Variants in OR1J2 observed in about 807,000 individuals in gnomAD.
OR1J2 encodes the protein olfactory receptor family 1 subfamily J member 2.
For synonymous variants in OR1J2, 142 were observed against 99.7 expected (o/e 1.42, Z -2.52); for missense variants, 304 against 246.1 (o/e 1.24, Z -1.57).
the OR1J2 span, chr9:122,449,057 A>T: frequency 6.6e-6 from 1 of 151,718 alleles, no homozygotes; most frequent in South Asian, 2.1e-4. Context: ...CAAGGTGAGT[A>T]TACAAAATCA....
chr9:122,568,285 T>G, the OR1J2 span: 3 of 1,614,012 alleles, frequency 1.9e-6, no homozygotes, highest in Non-Finnish European at 2.5e-6. Flanking sequence ...GACAGAAAAC[T>G]CAAGAAGAAA....
the OR1J2 span, among the ~76,000 whole-genome samples, chr9:122,460,083 T>A: frequency 6.6e-6 from 1 of 152,130 alleles, no homozygotes; most frequent in African/African-American, 2.4e-5. Context: ...GTTAGAATAA[T>A]GATCTCCAAT....
the OR1J2 span, among the ~76,000 whole-genome samples, chr9:122,559,599 G>C: frequency 6.6e-6 from 1 of 152,254 alleles, no homozygotes; most frequent in African/African-American, 2.4e-5. Flanking sequence ...AGTCATTCAG[G>C]AGTAGGTTGT....
chr9:122,540,898 C>G, the OR1J2 span, among the ~76,000 whole-genome samples: 63 of 152,276 alleles, frequency 4.1e-4, no homozygotes, highest in Middle Eastern at 3.4e-3. Flanking sequence ...GGAGTTCACT[C>G]ATGATTTGGC....
At chr9:122,515,352 T>TTGTGTGTGTGTGTG (rs10651846), downstream of OR1J2, among the ~76,000 whole-genome samples, 10,286 of 135,612 alleles carry the variant, frequency 0.076, 578 homozygotes, top group Admixed American at 0.13. Context: ...CAGGAGCAGG[T>TTGTGTGTGTGTGTG]TGTGTGTGTG....
chr9:122,578,374 G>A, the OR1J2 span: 1 of 151,502 alleles, frequency 6.6e-6, no homozygotes, highest in Non-Finnish European at 1.5e-5. Context: ...GCTTGAACCT[G>A]GGAGGCGGAG....
At chr9:122,469,131 C>T in the OR1J2 span, among the ~76,000 whole-genome samples, 4 of 152,334 alleles carry the variant, frequency 2.6e-5, no homozygotes, top group African/African-American at 9.6e-5. Context: ...TCTGTTTGCC[C>T]TCGCTTGAGC....
At chr9:122,519,745 T>G in the OR1J2 span, 50 of 1,614,156 alleles carry the variant, frequency 3.1e-5, no homozygotes, top group Non-Finnish European at 4.1e-5. Flanking sequence ...ATTTTCACAG[T>G]GGGACAGGCA....
chr9:122,510,422 T>C (rs941229511), upstream of OR1J2, among the ~76,000 whole-genome samples: 1 of 152,148 alleles, frequency 6.6e-6, no homozygotes, highest in Non-Finnish European at 1.5e-5. Context: ...TTTTTTCTAG[T>C]TTTCTTACAT....
At chr9:122,577,773 T>C in the OR1J2 span, among the ~76,000 whole-genome samples, 1 of 152,330 alleles carries the variant, frequency 6.6e-6, no homozygotes, top group East Asian at 1.9e-4. Context: ...AAGGAAACAG[T>C]TGAAAGTGGT....
At chr9:122,548,352 C>G in the OR1J2 span, among the ~76,000 whole-genome samples, 3 of 152,052 alleles carry the variant, frequency 2.0e-5, no homozygotes, top group African/African-American at 4.8e-5. Context: ...AAGTTCTGTC[C>G]TTGATAATAA....
At chr9:122,551,679 A>G in the OR1J2 span, among the ~76,000 whole-genome samples, 1 of 152,080 alleles carries the variant, frequency 6.6e-6, no homozygotes, top group African/African-American at 2.4e-5. Flanking sequence ...CCCCTGGGAA[A>G]GAGAGGTCCT....
At chr9:122,530,712 G>A in the OR1J2 span, among the ~76,000 whole-genome samples, 85 of 152,274 alleles carry the variant, frequency 5.6e-4, 1 homozygote, top group Non-Finnish European at 1.0e-3. Flanking sequence ...GAGAGTCAGC[G>A]AAGGGAGATA....
At chr9:122,458,713 G>T in the OR1J2 span, among the ~76,000 whole-genome samples, 1 of 152,148 alleles carries the variant, frequency 6.6e-6, no homozygotes, top group African/African-American at 2.4e-5. Flanking sequence ...GGAATTATGG[G>T]AGCTACAATT....
chr9:122,573,300 G>T, the OR1J2 span, among the ~76,000 whole-genome samples: 1 of 152,224 alleles, frequency 6.6e-6, no homozygotes, highest in Non-Finnish European at 1.5e-5. Flanking sequence ...AGATGTTGGG[G>T]CTAAACTCAG....
the OR1J2 span, among the ~76,000 whole-genome samples, chr9:122,575,063 G>A: frequency 0.16 from 24,877 of 152,008 alleles, 2,457 homozygotes; most frequent in Middle Eastern, 0.24. Flanking sequence ...TGGTTGTGAT[G>A]TATAAATCTT....
chr9:122,473,721 A>G, the OR1J2 span, among the ~76,000 whole-genome samples: 2 of 152,146 alleles, frequency 1.3e-5, no homozygotes, highest in African/African-American at 4.8e-5. Flanking sequence ...GTCTTACTAT[A>G]TCAAAGGGTT....
chr9:122,455,943 A>C, the OR1J2 span, among the ~76,000 whole-genome samples: 3 of 152,194 alleles, frequency 2.0e-5, no homozygotes, highest in Admixed American at 2.0e-4. Flanking sequence ...CATTTGTTGA[A>C]GAGACTATTC....
chr9:122,519,411 T>C, the OR1J2 span: 7 of 1,614,090 alleles, frequency 4.3e-6, no homozygotes, highest in Non-Finnish European at 5.1e-6. Context: ...TCAGGATCAA[T>C]CCATTCTTTA....
Sources: allele counts gnomAD v4.1 joint callset (sites outside exome capture counted in the v4.1 genomes callset), GRCh38; gene constraint gnomAD v4.1.1; transcripts MANE v1.5; gene names NCBI Gene and HGNC (gene_info 2026-07-23, HGNC 2026-07-21).